Variants in IL7R observed in about 807,000 individuals in gnomAD.
The protein encoded by IL7R is interleukin-7 receptor subunit alpha.
In IL7R, 38 loss-of-function variants were observed where a neutral mutation model predicts 47.0. That is an observed-to-expected ratio of 0.81 (90% CI 0.62 to 1.06). IL7R has a LOEUF of 1.06. Among genes scored for constraint, IL7R ranks in the 50% least tolerant of loss-of-function variants. IL7R has a pLI of 0.00. For missense variants in IL7R, 633 were observed against 534.8 expected, an observed-to-expected ratio of 1.18 and a Z score of -1.81; for synonymous variants, 221 against 199.8, an observed-to-expected ratio of 1.11 and a Z score of -0.89.
chr5:35,865,685 TTGATTTGCATTTCTCTGA>T (rs1759921869), intron 2 of IL7R, among the ~76,000 whole-genome samples: 1 of 152,204 alleles, frequency 6.6e-6, no homozygotes, highest in Non-Finnish European at 1.5e-5. Flanking sequence ...CATTGTGGTT[TTGATTTGCATTTCTCTGA>T]TGGCCATTGA....
chr5:35,874,745 C>T lies in IL7R; in HGVS notation c.800+203C>T, dbSNP rs377626324. On this transcript the variant is annotated intron_variant, in intron 6 of 7. Coordinates refer to ENST00000303115, the MANE Select transcript of IL7R (RefSeq NM_002185.5). ...AGATATTAACTGGACATTAGGCAAA[C>T]GCTGTCCCCAAAGTAAGAATTCCGT... is the stretch of plus-strand genomic sequence containing the variant. 4.6e-5 allele frequency among the ~76,000 whole-genome samples: 7 copies of T among 152,308 alleles called. No homozygotes were observed. The South Asian group carries it at 1.5e-3, about 32-fold the overall frequency.
At chr5:35,870,657 T>C (rs1360638479) in intron 3 of IL7R, among the ~76,000 whole-genome samples, 1 of 152,176 alleles carries the variant, frequency 6.6e-6, no homozygotes, top group Non-Finnish European at 1.5e-5. Context: ...CTCACTCACA[T>C]CAGAGTCAAA....
chr5:35,875,405 A>G, intron 6 of IL7R, 107 bp from the exon 7 acceptor site: 2 of 837,324 alleles, frequency 2.4e-6, no homozygotes, highest in Non-Finnish European at 2.0e-6. Flanking sequence ...GTTAGAGCCA[A>G]GACTAGAAAT....
In IL7R at chr5:35,875,227, T is replaced by C. The variant is rs572530470; in HGVS notation, c.801-285T>C. ...CACCAAAATTACCTCCTTGCAAGCC[T>C]TGGTGTTCCTTCCCTCTAGGGCTTT... On this transcript the variant is annotated intron_variant, in intron 6 of 7. Coordinates refer to ENST00000303115, the MANE Select transcript of IL7R (RefSeq NM_002185.5). Among the ~76,000 whole-genome samples, 12 of 152,348 alleles carry C rather than the reference T, an allele frequency of 7.9e-5. No homozygotes were observed. In the South Asian group the frequency reaches 2.3e-3, roughly 29 times the overall value.
At chr5:35,870,408 G>T (rs1461123117) in intron 3 of IL7R, among the ~76,000 whole-genome samples, 1 of 152,188 alleles carries the variant, frequency 6.6e-6, no homozygotes, top group African/African-American at 2.4e-5. Flanking sequence ...CCAGGGCCAG[G>T]ATGCAGACCC....
At chr5:35,860,830 C>A (rs199627319) in intron 1 of IL7R, 22 bp from the exon 2 acceptor site, 2 of 1,612,224 alleles carry the variant, frequency 1.2e-6, no homozygotes, top group Non-Finnish European at 1.7e-6. Context: ...TCATTAACAG[C>A]TGCATGTTTG....
intron 3 of IL7R, among the ~76,000 whole-genome samples, chr5:35,868,376 TTG>T (rs1165560881): frequency 1.3e-5 from 2 of 152,352 alleles, no homozygotes; most frequent in Non-Finnish European, 2.9e-5. Context: ...TAGCTCAGCT[TTG>T]TCTCAGTTTT....
chr5:35,863,476 GT>G (rs1759869695), intron 2 of IL7R, among the ~76,000 whole-genome samples: 1 of 152,158 alleles, frequency 6.6e-6, no homozygotes, highest in Admixed American at 6.5e-5. Flanking sequence ...AGAGAAGAGT[GT>G]ACACACATCC....
In IL7R at chr5:35,873,487, A is replaced by T; in HGVS notation, c.545A>T (p.Asn182Ile). 6.2e-7 allele frequency: 1 copy of T among 1,613,982 alleles called. No individual in the cohort carries two copies. The highest frequency in any genetic ancestry group is 8.5e-7 in the Non-Finnish European group (1 of 1,179,882). ...EKDENKWTHV[N>I]LSSTKLTLLQ... ...CTGCACTCTACTCTCTAGCATGTGAATTTATCCAGCACAAAGCTGACACTC... is the reference window on the plus strand; with the variant it reads ...CTGCACTCTACTCTCTAGCATGTGATTTTATCCAGCACAAAGCTGACACTC... Residue 182 changes from asparagine (N) to isoleucine (I), a missense_variant, in exon 5 of 8, where the codon AAT becomes ATT. By Grantham distance (149) the Asn-to-Ile change is moderately radical. Coordinates refer to ENST00000303115, the MANE Select transcript of IL7R (RefSeq NM_002185.5).
chr5:35,866,804 G>A (rs530206981), intron 2 of IL7R, among the ~76,000 whole-genome samples: 1 of 151,740 alleles, frequency 6.6e-6, no homozygotes, highest in East Asian at 1.9e-4. Context: ...CTCTTGTTAG[G>A]GTTCACCAGC....
chr5:35,873,734 C>A, intron 5 of IL7R, 86 bp downstream of exon 5: 1 of 1,251,858 alleles, frequency 8.0e-7, no homozygotes, highest in Non-Finnish European at 1.2e-6. Flanking sequence ...ATTGTTGAAA[C>A]TAACCTGCAA....
Position 35,871,218 on chromosome 5 carries a change from G to A in IL7R, c.537+5G>A, listed in dbSNP as rs2149901955. On this transcript the variant is annotated splice_donor_5th_base_variant and intron_variant, in intron 4 of 7. Transcript: ENST00000303115. ...AAGGATGAAAACAAATGGACGGTATGTAGTTCAACTACATTAATAAAATAA... is the reference window on the plus strand; with the variant it reads ...AAGGATGAAAACAAATGGACGGTATATAGTTCAACTACATTAATAAAATAA... 1.9e-6 allele frequency: 3 copies of A among 1,605,966 alleles called. No individual in the cohort carries two copies. Among genetic ancestry groups the A allele is most frequent in the Non-Finnish European group, 2.6e-6 (3 of 1,172,954 alleles).
intron 2 of IL7R, among the ~76,000 whole-genome samples, chr5:35,865,804 A>C (rs931711274): frequency 3.3e-5 from 5 of 152,210 alleles, no homozygotes; most frequent in Non-Finnish European, 5.9e-5. Flanking sequence ...GGATATGAAC[A>C]GACACTTCTC....
intron 3 of IL7R, among the ~76,000 whole-genome samples, chr5:35,868,265 A>G (rs1198286448): frequency 6.6e-6 from 1 of 152,222 alleles, no homozygotes; most frequent in Non-Finnish European, 1.5e-5. Flanking sequence ...ATGTCTTAAA[A>G]ATACTTTTAG....
rs1760130217 is a variant in IL7R at position 35,873,626 on chromosome 5, T to C, written c.684T>C (p.Thr228=). 6.2e-7 allele frequency: 1 copy of C among 1,614,002 alleles called. No homozygotes were observed. Among genetic ancestry groups the C allele is most frequent in the Non-Finnish European group, 8.5e-7 (1 of 1,179,900 alleles). ...GGAGTCCAAGTTATTACTTCAGAAC[T>C]CCAGAGATCAATAATAGCTCAGGTA... ...SEWSPSYYFR[T]PEINNSSGEM... is the part of the protein sequence containing the mutation. The change falls in exon 5 of 8, where the codon ACT becomes ACC. Residue 228 remains threonine, a synonymous_variant. Coordinates refer to ENST00000303115, the MANE Select transcript of IL7R (RefSeq NM_002185.5).
At chr5:35,867,881 T>A (rs1463540365) in intron 3 of IL7R, among the ~76,000 whole-genome samples, 1 of 147,650 alleles carries the variant, frequency 6.8e-6, no homozygotes, top group Non-Finnish European at 1.5e-5. Context: ...TTAAAAAGCA[T>A]ATATGCCTTC....
chr5:35,867,663 C>T (rs1379677671), intron 3 of IL7R, 200 bp downstream of exon 3: 1 of 648,570 alleles, frequency 1.5e-6, no homozygotes, highest in Admixed American at 2.5e-5. Flanking sequence ...TTCTGAGGAT[C>T]TTCAAACCCA....
intron 1 of IL7R, among the ~76,000 whole-genome samples, chr5:35,858,340 T>C (rs987036012): frequency 6.6e-6 from 1 of 152,134 alleles, no homozygotes; most frequent in Non-Finnish European, 1.5e-5. Flanking sequence ...TTGTTGAAAG[T>C]TGTCAATTTT....
intron 4 of IL7R, among the ~76,000 whole-genome samples, chr5:35,872,012 G>A (rs1320275181): frequency 6.6e-6 from 1 of 152,062 alleles, no homozygotes. Flanking sequence ...TTGCATAAAT[G>A]TAACAACTGC....
Sources: gnomAD v4.1 joint callset for allele counts (sites outside exome capture counted in the v4.1 genomes callset) on GRCh38, gnomAD v4.1.1 for gene constraint, MANE v1.5 for transcripts, NCBI Gene and HGNC (gene_info 2026-07-23, HGNC 2026-07-21) for gene names.